ELMOD2: variants seen among roughly 807,000 people sequenced by gnomAD.
The protein encoded by ELMOD2 is ELMO domain-containing protein 2.
A neutral mutation model predicts 41.0 loss-of-function variants in ELMOD2; 28 were observed. The observed-to-expected ratio is 0.68, with a 90% CI of 0.51 to 0.94. The LOEUF (loss-of-function observed/expected upper bound fraction) is 0.94, where lower values mean the gene tolerates loss of function less well. Among genes scored for constraint, ELMOD2 ranks in the 40% least tolerant of loss-of-function variants. ELMOD2 has a pLI of 0.00. For synonymous variants in ELMOD2, 106 were observed against 107.2 expected (o/e 0.99, Z 0.07); for missense variants, 333 against 343.1 (o/e 0.97, Z 0.23).
Position 140,543,455 on chromosome 4 carries a change from A to G in ELMOD2, c.605A>G (p.Tyr202Cys), listed in dbSNP as rs1183021257. The G allele has an allele frequency of 1.9e-6, 3 of 1,592,864 alleles. No homozygotes were observed. In the African/African-American group the frequency reaches 4.1e-5, roughly 22 times the overall value. Residue 202 changes from tyrosine to cysteine, a missense_variant and splice_region_variant, in exon 8 of 9, where the codon TAT becomes TGT. By Grantham distance (194) the Tyr-to-Cys change is radical. Transcript: ENST00000323570. The stretch of plus-strand genomic sequence containing the variant: ...AACTGGTAATGTTTCTGACATAGGT[A>G]TTCTTATGCAATAGTTGGAATCAAT... Reference protein sequence around the residue: ...LSRSNHPKLGYSYAIVGINLT... With the variant: ...LSRSNHPKLGCSYAIVGINLT...
Position 140,545,446 on chromosome 4 carries a change from A to G in ELMOD2, c.736+1860A>G, listed in dbSNP as rs539170166. On this transcript the variant is annotated intron_variant, in intron 8 of 8. Coordinates refer to ENST00000323570, the MANE Select transcript of ELMOD2 (RefSeq NM_153702.4). ...AAATGTGCATTAAATGCCAAAATGT[A>G]TATCTTCAGCCCAACCTCTGCTTTA... Among the ~76,000 whole-genome samples the G allele has an allele frequency of 1.2e-4, 19 of 152,270 alleles. No individual in the cohort carries two copies. In the East Asian group the frequency reaches 1.5e-3, roughly 12 times the overall value.
At chr4:140,542,541 C>T (rs980031714) in intron 6 of ELMOD2, 33 bp from the exon 7 acceptor site, 2 of 1,492,628 alleles carry the variant, frequency 1.3e-6, no homozygotes, top group Non-Finnish European at 1.8e-6. Flanking sequence ...GAATGGCGTA[C>T]ATTTGTTTGA....
At chr4:140,533,402 T>G in intron 3 of ELMOD2, among the ~76,000 whole-genome samples, 1 of 152,240 alleles carries the variant, frequency 6.6e-6, no homozygotes, top group African/African-American at 2.4e-5. Flanking sequence ...AGCAATTCAA[T>G]GAGGAGAAGA....
intron 1 of ELMOD2, chr4:140,525,150 C>T (rs1734515163): frequency 3.9e-6 from 1 of 257,746 alleles, no homozygotes; most frequent in Non-Finnish European, 7.3e-6. Context: ...AAGTGCAAAC[C>T]ATTCTGTTAC....
At position 140,525,255 on chromosome 4, in the gene ELMOD2, T is replaced by C. The variant is rs1436630976; in HGVS notation, c.-9-165T>C. The C allele has an allele frequency of 1.1e-5, 7 of 637,342 alleles. No homozygotes were observed. In the African/African-American group the frequency reaches 1.1e-4, roughly 10 times the overall value. The allele number at this position is 637,342 out of a possible 1,614,324, so 39.5% of individuals were successfully genotyped here. A position where few individuals can be genotyped will look rare whatever the true frequency, so the allele number is the denominator to read the frequency against. On this transcript the variant is annotated intron_variant, in intron 1 of 8. Coordinates refer to ENST00000323570, the MANE Select transcript of ELMOD2 (RefSeq NM_153702.4). ...ATTTGATCATCAATTAATAGCGGTA[T>C]ATATTACACCTGCCATTGTTTTTAA...
intron 6 of ELMOD2, 77 bp downstream of exon 6, chr4:140,540,378 A>G: frequency 6.5e-7 from 1 of 1,545,298 alleles, no homozygotes; most frequent in Non-Finnish European, 8.8e-7. Context: ...TCTAATAAGA[A>G]GTGATCTAGT....
At chr4:140,534,192 G>T (rs1281795176) in intron 3 of ELMOD2, among the ~76,000 whole-genome samples, 1 of 152,126 alleles carries the variant, frequency 6.6e-6, no homozygotes, top group Non-Finnish European at 1.5e-5. Context: ...GTATATTCAT[G>T]CAATACAACT....
At chr4:140,530,178 T>TATATATATATAACAAA (rs1734701538) in intron 3 of ELMOD2, among the ~76,000 whole-genome samples, 1 of 152,248 alleles carries the variant, frequency 6.6e-6, no homozygotes, top group South Asian at 2.1e-4. Context: ...ATCAGTGTAA[T>TATATATATATAACAAA]TGTTATAACT....
At chr4:140,534,478 T>C (rs1443528250) in intron 3 of ELMOD2, among the ~76,000 whole-genome samples, 1 of 152,150 alleles carries the variant, frequency 6.6e-6, no homozygotes, top group Non-Finnish European at 1.5e-5. Flanking sequence ...ATTATCTGGA[T>C]GTATGTATTT....
chr4:140,546,706 G>C (rs1399866093), intron 8 of ELMOD2, among the ~76,000 whole-genome samples: 1 of 151,908 alleles, frequency 6.6e-6, no homozygotes, highest in South Asian at 2.1e-4. Flanking sequence ...AAGCAGTGCA[G>C]AATGACCTTT....
At chr4:140,528,747 G>A (rs3113189) in intron 3 of ELMOD2, among the ~76,000 whole-genome samples, 136,417 of 152,146 alleles carry the variant, frequency 0.9, 61,871 homozygotes, top group East Asian at 1. Flanking sequence ...TGATTTAGTT[G>A]TACTCTTTAA....
intron 8 of ELMOD2, among the ~76,000 whole-genome samples, chr4:140,544,696 T>C (rs1039556099): frequency 6.6e-6 from 1 of 152,052 alleles, no homozygotes; most frequent in Non-Finnish European, 1.5e-5. Flanking sequence ...ATCCCAGTCT[T>C]CTTTTTAGTT....
chr4:140,524,379 G>A (rs1734478637), intron 1 of ELMOD2, 99 bp downstream of exon 1: 1 of 156,950 alleles, frequency 6.4e-6, no homozygotes, highest in African/African-American at 2.4e-5. Flanking sequence ...CGGGAACCCG[G>A]GGGCGCCTGG....
rs1291716984 is a variant in ELMOD2, at chr4:140,553,114, A to G, written c.*2739A>G. ...TACTCTTCACTTTTGTTCCAGTACT[A>G]TAATTGCTCATGCACTCTTTCTCCC... On this transcript the variant is annotated 3_prime_UTR_variant, in exon 9 of 9. Coordinates refer to ENST00000323570, the MANE Select transcript of ELMOD2 (RefSeq NM_153702.4). The G allele has an allele frequency of 2.0e-5, 3 of 152,112 alleles. No individual in the cohort carries two copies. The highest frequency in any genetic ancestry group is 2.9e-5 in the Non-Finnish European group (2 of 67,986). 9.4% of individuals were successfully genotyped at this position (152,112 alleles called of 1,614,324 possible).
intron 7 of ELMOD2, among the ~76,000 whole-genome samples, chr4:140,543,226 A>G (rs1735163946): frequency 6.6e-6 from 1 of 152,002 alleles, no homozygotes; most frequent in Non-Finnish European, 1.5e-5. Context: ...TATCATGTGA[A>G]CAGAGCTTTA....
chr4:140,553,316 T>G lies in ELMOD2; in HGVS notation c.*2941T>G, dbSNP rs1338047600. The G allele has an allele frequency of 6.6e-6, 1 of 152,084 alleles. No homozygotes were observed. The highest frequency in any genetic ancestry group is 2.4e-5 in the African/African-American group (1 of 41,422). The allele number at this position is 152,084 out of a possible 1,614,324, so 9.4% of individuals were successfully genotyped here. A position where few individuals can be genotyped will look rare whatever the true frequency, so the allele number is the denominator to read the frequency against. The stretch of plus-strand genomic sequence containing the variant: ...ATAATGTTTATTATCCTTTTTGAAA[T>G]AACAGGGACCAGCAGCAGTTTTCTC... On this transcript the variant is annotated 3_prime_UTR_variant, in exon 9 of 9. Coordinates refer to ENST00000323570, the MANE Select transcript of ELMOD2 (RefSeq NM_153702.4).
chr4:140,539,295 A>G (rs1735032573), intron 5 of ELMOD2, among the ~76,000 whole-genome samples: 1 of 151,836 alleles, frequency 6.6e-6, no homozygotes, highest in African/African-American at 2.4e-5. Context: ...TTGAATTTAA[A>G]CAATAAATTT....
At chr4:140,549,967 A>C (rs1735418397) in intron 8 of ELMOD2, among the ~76,000 whole-genome samples, 1 of 152,226 alleles carries the variant, frequency 6.6e-6, no homozygotes, top group Middle Eastern at 3.4e-3. Flanking sequence ...GAGTTCAGGT[A>C]TGAGTCACTG....
At position 140,542,667 on chromosome 4, in the gene ELMOD2, C is replaced by T. The variant is rs533313734; in HGVS notation, c.602+25C>T. On this transcript the variant is annotated intron_variant, in intron 7 of 8. Coordinates refer to ENST00000323570, the MANE Select transcript of ELMOD2 (RefSeq NM_153702.4). ...GGTAAGCTGGGTATATTAAAGAAGC[C>T]GTAATCTCTTGCATTTATAATGATT... 40 of 1,523,868 alleles carry T rather than the reference C, an allele frequency of 2.6e-5. 1 individual carries two copies. In the Middle Eastern group the frequency reaches 5.1e-4, roughly 19 times the overall value. 94.4% of individuals were successfully genotyped at this position (1,523,868 alleles called of 1,614,324 possible). A position where few individuals can be genotyped will look rare whatever the true frequency, so the allele number is the denominator to read the frequency against.
Sources: gnomAD v4.1 joint callset for allele counts (sites outside exome capture counted in the v4.1 genomes callset) on GRCh38, gnomAD v4.1.1 for gene constraint, MANE v1.5 for transcripts, NCBI Gene and HGNC (gene_info 2026-07-23, HGNC 2026-07-21) for gene names.